Variants in MYO3B observed in about 807,000 individuals in gnomAD.
MYO3B encodes the protein myosin-IIIb.
A neutral mutation model predicts 174.6 loss-of-function variants in MYO3B; 156 were observed. The observed-to-expected ratio is 0.89, with a 90% CI of 0.78 to 1.02. The LOEUF is 1.02. MYO3B is among the 50% of genes least tolerant of loss of function. The pLI is 0.00. For missense variants in MYO3B, 1,632 were observed against 1,639.4 expected, an observed-to-expected ratio of 1.00 and a Z score of 0.08; for synonymous variants, 563 against 569.1, an observed-to-expected ratio of 0.99 and a Z score of 0.15.
At chr2:170,541,164 T>G (rs1035916127) in intron 30 of MYO3B, among the ~76,000 whole-genome samples, 2 of 151,798 alleles carry the variant, frequency 1.3e-5, no homozygotes, top group East Asian at 3.9e-4. Flanking sequence ...GCTAGAGGAG[T>G]TGTCAAGAGG....
At chr2:170,178,398 A>G in intron 1 of MYO3B, 109 bp downstream of exon 1, 1 of 1,372,236 alleles carries the variant, frequency 7.3e-7, no homozygotes, top group Non-Finnish European at 1.0e-6. Context: ...GAGGGGGATG[A>G]CAGCCACTCT....
At chr2:170,365,076 T>C (rs2094188297) in intron 8 of MYO3B, among the ~76,000 whole-genome samples, 1 of 152,176 alleles carries the variant, frequency 6.6e-6, no homozygotes, top group Admixed American at 6.6e-5. Flanking sequence ...CTAGCTCAAT[T>C]CTTACCAGCT....
rs116155289 is a variant in MYO3B at position 170,182,770 on chromosome 2, C to T, written c.2+4481C>T. On this transcript the variant is annotated intron_variant, in intron 1 of 34. Coordinates refer to ENST00000408978, the MANE Select transcript of MYO3B (RefSeq NM_138995.5). The stretch of plus-strand genomic sequence containing the variant: ...GGGATTACAGGCACCTGCACCACAC[C>T]CGGCTAAGTTTTCTGTTTTTAGTAG... 9.5e-3 allele frequency among the ~76,000 whole-genome samples: 1,437 copies of T among 151,770 alleles called. 13 individuals are homozygous for T. The highest frequency in any genetic ancestry group is 0.031 in the Middle Eastern group (9 of 294).
chr2:170,393,443 G>A (rs371768943), intron 16 of MYO3B, among the ~76,000 whole-genome samples: 6 of 151,796 alleles, frequency 4.0e-5, no homozygotes, highest in South Asian at 2.1e-4. Flanking sequence ...ATATGCTAGG[G>A]GTGACAGACA....
At chr2:170,546,127 C>T (rs1307883024) in intron 32 of MYO3B, among the ~76,000 whole-genome samples, 1 of 152,170 alleles carries the variant, frequency 6.6e-6, no homozygotes, top group African/African-American at 2.4e-5. Context: ...CTCCACATGT[C>T]CTTCTTCCTC....
At chr2:170,271,896 G>A (rs1187682405) in intron 7 of MYO3B, among the ~76,000 whole-genome samples, 1 of 152,036 alleles carries the variant, frequency 6.6e-6, no homozygotes, top group East Asian at 1.9e-4. Context: ...TTGAGGTGGG[G>A]ACTAGTAGGT....
intron 7 of MYO3B, among the ~76,000 whole-genome samples, chr2:170,331,649 TG>T (rs1308631348): frequency 6.6e-6 from 1 of 152,190 alleles, no homozygotes; most frequent in Non-Finnish European, 1.5e-5. Context: ...AAAATCAAGG[TG>T]TCAGTAGGGC....
chr2:170,483,590 G>C (rs1181129530), intron 25 of MYO3B, among the ~76,000 whole-genome samples: 1 of 150,740 alleles, frequency 6.6e-6, no homozygotes, highest in Non-Finnish European at 1.5e-5. Flanking sequence ...GTTTCACCGT[G>C]TTAGCCAGGA....
intron 9 of MYO3B, 56 bp downstream of exon 9, chr2:170,369,433 A>G (rs2094223820): frequency 1.9e-6 from 3 of 1,558,384 alleles, no homozygotes; most frequent in Admixed American, 1.9e-5. Flanking sequence ...ATGTCATGTC[A>G]TGTGTTTTGA....
chr2:170,372,143 A>AAAAC (rs1553475399), intron 9 of MYO3B, among the ~76,000 whole-genome samples: 3 of 136,974 alleles, frequency 2.2e-5, no homozygotes, highest in Non-Finnish European at 3.1e-5. Flanking sequence ...AAAAAAAAAA[A>AAAAC]AACAACAACA....
chr2:170,279,021 T>C (rs79524285), intron 7 of MYO3B, among the ~76,000 whole-genome samples: 2,069 of 152,286 alleles, frequency 0.014, 44 homozygotes, highest in East Asian at 0.059. Flanking sequence ...ATATCACATA[T>C]TCTTTATTCA....
At chr2:170,463,576 G>A in intron 24 of MYO3B, 131 bp downstream of exon 24, 1 of 772,992 alleles carries the variant, frequency 1.3e-6, no homozygotes, top group Non-Finnish European at 2.1e-6. Flanking sequence ...GGTTGGGGAA[G>A]TGGTGGAAGC....
At chr2:170,229,789 A>G (rs182465891) in intron 6 of MYO3B, among the ~76,000 whole-genome samples, 62 of 152,308 alleles carry the variant, frequency 4.1e-4, no homozygotes, top group South Asian at 1.4e-3. Context: ...TTTCTGGATA[A>G]TGAAGATCTT....
chr2:170,621,179 G>A (rs973063810), intron 32 of MYO3B, among the ~76,000 whole-genome samples: 8 of 151,920 alleles, frequency 5.3e-5, no homozygotes, highest in Admixed American at 2.0e-4. Flanking sequence ...ATGAGCCACC[G>A]CACCCGGCCA....
At chr2:170,562,907 G>T (rs1233878925) in intron 32 of MYO3B, among the ~76,000 whole-genome samples, 1 of 152,088 alleles carries the variant, frequency 6.6e-6, no homozygotes, top group East Asian at 1.9e-4. Flanking sequence ...GGGAAACTAT[G>T]TGAGATGCTT....
intron 32 of MYO3B, among the ~76,000 whole-genome samples, chr2:170,557,431 A>G (rs7604541): frequency 0.67 from 101,369 of 151,964 alleles, 34,788 homozygotes; most frequent in Non-Finnish European, 0.75. Context: ...AGTTACTAAA[A>G]CTCCTGGAAA....
chr2:170,631,569 C>G (rs1696981959), intron 32 of MYO3B, among the ~76,000 whole-genome samples: 1 of 151,718 alleles, frequency 6.6e-6, no homozygotes. Context: ...GATAGATACT[C>G]CTGGAGAAGA....
chr2:170,199,181 C>T, intron 1 of MYO3B, 27 bp from the exon 2 acceptor site: 1 of 1,540,218 alleles, frequency 6.5e-7, no homozygotes, highest in Non-Finnish European at 8.8e-7. Flanking sequence ...TGATCTGTTG[C>T]ACATAACAAA....
At chr2:170,196,374 G>T (rs1284839538) in intron 1 of MYO3B, among the ~76,000 whole-genome samples, 1 of 152,158 alleles carries the variant, frequency 6.6e-6, no homozygotes, top group Non-Finnish European at 1.5e-5. Context: ...TTAGCTGGGT[G>T]TGGTAGCACA....
Sources: allele counts gnomAD v4.1 joint callset (sites outside exome capture counted in the v4.1 genomes callset), GRCh38; gene constraint gnomAD v4.1.1; transcripts MANE v1.5; gene names NCBI Gene and HGNC (gene_info 2026-07-23, HGNC 2026-07-21).